ST8SIA2: variants seen among roughly 807,000 people sequenced by gnomAD.
The protein encoded by ST8SIA2 is alpha-2,8-sialyltransferase 8B.
A neutral mutation model predicts 37.6 loss-of-function variants in ST8SIA2; 22 were observed. The ratio of observed to expected loss-of-function variants is 0.58; its 90% CI spans 0.42 to 0.83. ST8SIA2 has a LOEUF of 0.83. ST8SIA2 is among the 40% of genes least tolerant of loss of function. The probability of loss-of-function intolerance (pLI) is 0.00; values close to 1 mark genes in which losing one functional copy is unlikely to be tolerated. For synonymous variants in ST8SIA2, 205 were observed against 201.2 expected (o/e 1.02, Z -0.16); for missense variants, 382 against 484.7 (o/e 0.79, Z 1.99).
At chr15:92,408,653 T>C (rs1183654147) in intron 1 of ST8SIA2, among the ~76,000 whole-genome samples, 1 of 152,058 alleles carries the variant, frequency 6.6e-6, no homozygotes, top group Non-Finnish European at 1.5e-5. Context: ...ATTGTCTGAT[T>C]TGAAATCCAC....
intron 5 of ST8SIA2, among the ~76,000 whole-genome samples, chr15:92,458,583 C>T (rs1000911591): frequency 6.6e-6 from 1 of 152,212 alleles, no homozygotes; most frequent in Non-Finnish European, 1.5e-5. Flanking sequence ...TCTAAAATGA[C>T]CATTCACTTC....
At chr15:92,423,162 C>T (rs1228934178) in intron 1 of ST8SIA2, among the ~76,000 whole-genome samples, 2 of 152,128 alleles carry the variant, frequency 1.3e-5, no homozygotes, top group African/African-American at 4.8e-5. Flanking sequence ...GAGTTTTTGC[C>T]CAAAGAGTGC....
At chr15:92,400,857 G>A (rs557038159) in intron 1 of ST8SIA2, among the ~76,000 whole-genome samples, 4 of 152,304 alleles carry the variant, frequency 2.6e-5, no homozygotes, top group South Asian at 2.1e-4. Context: ...AGCTGTTTCC[G>A]TGCAAGGGCT....
At chr15:92,463,888 C>T (rs2049973268) in intron 5 of ST8SIA2, among the ~76,000 whole-genome samples, 1 of 151,924 alleles carries the variant, frequency 6.6e-6, no homozygotes, top group South Asian at 2.1e-4. Context: ...TTCATAAACT[C>T]GTGTCTGTGA....
At chr15:92,459,024 A>G (rs986783476) in intron 5 of ST8SIA2, among the ~76,000 whole-genome samples, 2 of 152,196 alleles carry the variant, frequency 1.3e-5, no homozygotes, top group Non-Finnish European at 2.9e-5. Context: ...AAAGGCATCT[A>G]GGCGAGCACC....
At chr15:92,398,887 G>A (rs1312957333) in intron 1 of ST8SIA2, among the ~76,000 whole-genome samples, 3 of 152,102 alleles carry the variant, frequency 2.0e-5, no homozygotes, top group African/African-American at 7.2e-5. Flanking sequence ...TTCTTCTAAA[G>A]GCCCAGAGTT....
At chr15:92,459,701 C>A (rs1288450087) in intron 5 of ST8SIA2, among the ~76,000 whole-genome samples, 1 of 152,104 alleles carries the variant, frequency 6.6e-6, no homozygotes, top group African/African-American at 2.4e-5. Context: ...CCAGGTCAAG[C>A]GATTCTCCTG....
chr15:92,433,562 C>G (rs531433608), intron 2 of ST8SIA2, among the ~76,000 whole-genome samples: 1 of 152,342 alleles, frequency 6.6e-6, no homozygotes, highest in African/African-American at 2.4e-5. Context: ...CCAGCCAGTT[C>G]TTTCATTCAC....
intron 3 of ST8SIA2, among the ~76,000 whole-genome samples, chr15:92,434,619 A>C (rs767535031): frequency 6.6e-6 from 1 of 152,230 alleles, no homozygotes; most frequent in Non-Finnish European, 1.5e-5. Flanking sequence ...TTCTGGGCTT[A>C]GAAGCAGCAA....
chr15:92,405,700 A>T (rs2049503731), intron 1 of ST8SIA2, among the ~76,000 whole-genome samples: 1 of 152,246 alleles, frequency 6.6e-6, no homozygotes, highest in South Asian at 2.1e-4. Flanking sequence ...GTGGCTATAG[A>T]CACAGAATTA....
chr15:92,459,492 G>A (rs1032397584), intron 5 of ST8SIA2, among the ~76,000 whole-genome samples: 11 of 152,284 alleles, frequency 7.2e-5, no homozygotes, highest in African/African-American at 1.4e-4. Context: ...GGACTCCCGC[G>A]TTTTCCTTTC....
chr15:92,436,726 T>A (rs2141833125), intron 3 of ST8SIA2, among the ~76,000 whole-genome samples: 1 of 152,250 alleles, frequency 6.6e-6, no homozygotes, highest in South Asian at 2.1e-4. Context: ...CTGTTTTCCA[T>A]CAACAGATAC....
chr15:92,435,728 C>A (rs1423570815), intron 3 of ST8SIA2, among the ~76,000 whole-genome samples: 1 of 152,108 alleles, frequency 6.6e-6, no homozygotes, highest in African/African-American at 2.4e-5. Context: ...CCCTGCACTC[C>A]TTACTTACCG....
intron 5 of ST8SIA2, among the ~76,000 whole-genome samples, chr15:92,457,127 G>A (rs941295302): frequency 1.2e-4 from 18 of 152,204 alleles, no homozygotes; most frequent in African/African-American, 3.9e-4. Context: ...AGGAGAGCAG[G>A]AGCCCGAAAG....
At chr15:92,414,432 A>G (rs113653279) in intron 1 of ST8SIA2, among the ~76,000 whole-genome samples, 1,523 of 152,144 alleles carry the variant, frequency 0.01, 15 homozygotes, top group Middle Eastern at 0.027. Flanking sequence ...ACAAGCCCCT[A>G]CCCCAACCTC....
At chr15:92,421,838 G>A (rs562441521) in intron 1 of ST8SIA2, among the ~76,000 whole-genome samples, 2 of 152,290 alleles carry the variant, frequency 1.3e-5, no homozygotes, top group African/African-American at 2.4e-5. Flanking sequence ...GTAGAAGAAC[G>A]AGGCTACCTT....
At position 92,430,177 on chromosome 15, in the gene ST8SIA2, C is replaced by T. The variant is rs2049705187; in HGVS notation, c.161+66C>T. On this transcript the variant is annotated intron_variant, in intron 2 of 5. Transcript: ENST00000268164. Reference sequence around the variant, plus strand: ...AGGCAGCTATTAATCTGCTTCTCTTCTTTGCTGGATGGTGCCCTTCTTACT... The same window carrying T: ...AGGCAGCTATTAATCTGCTTCTCTTTTTTGCTGGATGGTGCCCTTCTTACT... The T allele has an allele frequency of 2.0e-6, 3 of 1,487,090 alleles. No individual in the cohort carries two copies. In the East Asian group the frequency reaches 6.9e-5, roughly 34 times the overall value. The allele number at this position is 1,487,090 out of a possible 1,614,324, so 92.1% of individuals were successfully genotyped here. A position where few individuals can be genotyped will look rare whatever the true frequency, so the allele number is the denominator to read the frequency against.
At chr15:92,463,566 G>T (rs1227235129) in intron 5 of ST8SIA2, among the ~76,000 whole-genome samples, 1 of 152,216 alleles carries the variant, frequency 6.6e-6, no homozygotes, top group Non-Finnish European at 1.5e-5. Context: ...AAGAGCCAGT[G>T]GTTTCTCAGA....
chr15:92,421,331 G>A (rs1486032453), intron 1 of ST8SIA2: 1 of 152,184 alleles, frequency 6.6e-6, no homozygotes, highest in Non-Finnish European at 1.5e-5. Context: ...AGGACAAGGG[G>A]TGTTTTGCTT....
Sources: allele counts gnomAD v4.1 joint callset (sites outside exome capture counted in the v4.1 genomes callset), GRCh38; gene constraint gnomAD v4.1.1; transcripts MANE v1.5; gene names NCBI Gene and HGNC (gene_info 2026-07-23, HGNC 2026-07-21).